The following SPPL2B variants were observed in gnomAD, a reference collection of about 807,000 sequenced individuals.
SPPL2B encodes signal peptide peptidase-like 2B.
A neutral mutation model predicts 59.7 loss-of-function variants in SPPL2B; 39 were observed. That is an observed-to-expected ratio of 0.65 (90% CI 0.51 to 0.85). The LOEUF (loss-of-function observed/expected upper bound fraction) is 0.85. Ranked by LOEUF, SPPL2B falls within the 40% of genes least tolerant of loss-of-function variation. The pLI, the probability that SPPL2B is intolerant of heterozygous loss-of-function variation, is 0.00. For missense variants in SPPL2B, 865 were observed against 849.0 expected (o/e 1.02, Z -0.23); for synonymous variants, 419 against 370.8 (o/e 1.13, Z -1.49).
Position 2,340,167 on chromosome 19 carries a change from G to A in SPPL2B, c.834G>A (p.Lys278=). 1 of 1,565,536 alleles carries A rather than the reference G, an allele frequency of 6.4e-7. No homozygotes were observed. The highest frequency in any genetic ancestry group is 8.6e-7 in the Non-Finnish European group (1 of 1,163,042). ...GTGTGCGGCGGCTGCCCTTCGGCAA[G>A]TGCAGGTGAGTCTGCCCTGCTGGCC... ...APCVRRLPFG[K]CRIPNNSLPY... The change falls in exon 7 of 15, where the codon AAG becomes AAA. Residue 278 remains lysine (K), a synonymous_variant. Coordinates refer to ENST00000613503, the MANE Select transcript of SPPL2B (RefSeq NM_152988.3).
At chr19:2,343,141 C>T in intron 8 of SPPL2B, 70 bp from the exon 9 acceptor site, 1 of 1,285,574 alleles carries the variant, frequency 7.8e-7, no homozygotes, top group Non-Finnish European at 1.1e-6. Flanking sequence ...CCCTGTGTGG[C>T]TCGTGGGAGG....
At chr19:2,339,537 C>T (rs1429867800) in intron 5 of SPPL2B, 1 of 584,506 alleles carries the variant, frequency 1.7e-6, no homozygotes, top group East Asian at 2.9e-5. Context: ...GCCCCATGTC[C>T]AGGGCTCTTT....
Position 2,353,161 on chromosome 19 carries a change from G to A in SPPL2B, c.1731G>A (p.Arg577=). 1 of 1,609,530 alleles carries A rather than the reference G, an allele frequency of 6.2e-7. No individual in the cohort carries two copies. The highest frequency in any genetic ancestry group is 8.5e-7 in the Non-Finnish European group (1 of 1,179,324). The change falls in exon 15 of 15, where the codon CGG becomes CGA. Residue 577 remains arginine (R), a synonymous_variant. Transcript: ENST00000613503. ...GGAGCCCAGCTGAATCCGAGGGCCGGGACCAGGCCCAGCCGTCCCCGGTAA... is the reference window on the plus strand; with the variant it reads ...GGAGCCCAGCTGAATCCGAGGGCCGAGACCAGGCCCAGCCGTCCCCGGTAA... ...EPGSPAESEG[R]DQAQPSPVTQ... is the part of the protein sequence containing the mutation.
chr19:2,333,324 G>A (rs921410188), intron 1 of SPPL2B, among the ~76,000 whole-genome samples: 1 of 150,118 alleles, frequency 6.7e-6, no homozygotes, highest in African/African-American at 2.4e-5. Flanking sequence ...GGCTTTGCGG[G>A]AGCAGGAGGA....
intron 2 of SPPL2B, 118 bp from the exon 3 acceptor site, chr19:2,337,325 G>A: frequency 9.9e-7 from 1 of 1,007,842 alleles, no homozygotes; most frequent in Non-Finnish European, 1.4e-6. Flanking sequence ...AGGCCGTGCG[G>A]GGCTTTAGGT....
intron 3 of SPPL2B, chr19:2,337,864 C>T (rs750117948): frequency 6.4e-5 from 32 of 500,768 alleles, no homozygotes; most frequent in South Asian, 1.6e-4. Flanking sequence ...GAACTTTGGC[C>T]GTGGTCTTGT....
intron 2 of SPPL2B, among the ~76,000 whole-genome samples, chr19:2,336,369 G>A (rs755438921): frequency 1.1e-4 from 16 of 152,130 alleles, no homozygotes; most frequent in Admixed American, 3.3e-4. Context: ...ACATGTGTGC[G>A]TGTGTACATG....
chr19:2,350,387 G>T (rs12983760), intron 13 of SPPL2B, among the ~76,000 whole-genome samples: 4 of 136,986 alleles, frequency 2.9e-5, no homozygotes, highest in Non-Finnish European at 6.2e-5. Flanking sequence ...ACACACACTC[G>T]CGTTCTCATT....
chr19:2,337,656 G>A, intron 3 of SPPL2B, 31 bp downstream of exon 3: 1 of 1,510,776 alleles, frequency 6.6e-7, no homozygotes. Flanking sequence ...CGCTGGGCCA[G>A]CTCTCAGGGG....
At chr19:2,344,264 C>G (rs1448043309) in intron 10 of SPPL2B, 98 bp from the exon 11 acceptor site, 19 of 660,254 alleles carry the variant, frequency 2.9e-5, no homozygotes, top group Non-Finnish European at 4.2e-5. Flanking sequence ...CCCCTTGCAC[C>G]CCCCCATCGC....
intron 13 of SPPL2B, among the ~76,000 whole-genome samples, chr19:2,348,340 CCA>C (rs1367900520): frequency 7.8e-5 from 8 of 101,976 alleles, no homozygotes; most frequent in East Asian, 6.6e-4. Flanking sequence ...GGTTCTCTCT[CCA>C]CACACACACT....
intron 8 of SPPL2B, 134 bp from the exon 9 acceptor site, chr19:2,343,075 TCA>T: frequency 1.4e-6 from 1 of 699,808 alleles, no homozygotes; most frequent in South Asian, 1.7e-5. Context: ...GTCCTCAGAG[TCA>T]TCCCCTGGGC....
rs1327179790 is a variant in SPPL2B, at chr19:2,354,710, G to C, written c.*1501G>C. On this transcript the variant is annotated 3_prime_UTR_variant, in exon 15 of 15. Coordinates refer to ENST00000613503, the MANE Select transcript of SPPL2B (RefSeq NM_152988.3). ...GTGTTGGACGTTTGACCAGTGGGGA[G>C]GGGTTCAGAGGCGGCGGTCCTGTCC... is the stretch of plus-strand genomic sequence containing the variant. 2 of 152,300 alleles carry C rather than the reference G, an allele frequency of 1.3e-5. No homozygotes were observed. The highest frequency in any genetic ancestry group is 4.8e-5 in the African/African-American group (2 of 41,460). The allele number at this position is 152,300 out of a possible 1,614,324, so 9.4% of individuals were successfully genotyped here.
rs776331976 is a variant in SPPL2B at position 2,337,526 on chromosome 19, C to T, written c.270C>T (p.Ile90=). ...DLPARGFSNQ[I]PLVARGNCTF... is the part of the protein sequence containing the mutation. ...CCGCCCGTGGCTTCAGCAACCAGATCCCGCTGGTGGCGCGGGGGAACTGCA... is the reference window on the plus strand; with the variant it reads ...CCGCCCGTGGCTTCAGCAACCAGATTCCGCTGGTGGCGCGGGGGAACTGCA... The change falls in exon 3 of 15, where the codon ATC becomes ATT. Residue 90 remains isoleucine, a synonymous_variant. Transcript: ENST00000613503. The T allele has an allele frequency of 1.9e-6, 3 of 1,613,214 alleles. No homozygotes were observed. The South Asian group carries it at 3.3e-5, about 18-fold the overall frequency.
At chr19:2,338,447 A>G (rs1192101820) in intron 3 of SPPL2B, 3 of 272,086 alleles carry the variant, frequency 1.1e-5, no homozygotes, top group Non-Finnish European at 2.1e-5. Flanking sequence ...ATGGGCTGTG[A>G]CAAGTATCAC....
At position 2,340,157 on chromosome 19, in the gene SPPL2B, C is replaced by T; in HGVS notation, c.824C>T (p.Pro275Leu). 3 of 1,573,486 alleles carry T rather than the reference C, an allele frequency of 1.9e-6. No individual in the cohort carries two copies. Among genetic ancestry groups the T allele is most frequent in the Non-Finnish European group, 2.6e-6 (3 of 1,166,896 alleles). Residue 275 changes from proline to leucine, a missense_variant, in exon 7 of 15, where the codon CCC (proline) becomes CTC (leucine). Pro to Leu is a moderately conservative substitution (Grantham distance 98). Transcript: ENST00000613503. ...CTGGCGCCCTGTGTGCGGCGGCTGC[C>T]CTTCGGCAAGTGCAGGTGAGTCTGC... ...SCLAPCVRRL[P>L]FGKCRIPNNS...
intron 1 of SPPL2B, chr19:2,330,470 AG>A (rs1968226714): frequency 6.6e-6 from 1 of 152,310 alleles, no homozygotes; most frequent in Non-Finnish European, 1.5e-5. Flanking sequence ...CAGGAGGGGA[AG>A]GGTGTTGGAA....
chr19:2,337,290 G>A, intron 2 of SPPL2B, 153 bp from the exon 3 acceptor site: 1 of 656,506 alleles, frequency 1.5e-6, no homozygotes, highest in Non-Finnish European at 2.5e-6. Flanking sequence ...AGCTGCAGTA[G>A]GGATGGCTCT....
At position 2,339,844 on chromosome 19, in the gene SPPL2B, G is replaced by A. The variant is rs1193831708; in HGVS notation, c.620G>A (p.Arg207His). Reference protein sequence around the residue: ...DVKKRYMKHKRDDGPEKQEDE... With the variant: ...DVKKRYMKHKHDDGPEKQEDE... Reference sequence around the variant, plus strand: ...CCAAGAAGGTACATGAAGCACAAGCGCGACGATGGGCCCGAGAAGCAGGAG... The same window carrying A: ...CCAAGAAGGTACATGAAGCACAAGCACGACGATGGGCCCGAGAAGCAGGAG... Residue 207 changes from arginine (R) to histidine (H), a missense_variant, in exon 6 of 15, where the codon CGC becomes CAC. By Grantham distance (29) the Arg-to-His change is conservative. Coordinates refer to ENST00000613503, the MANE Select transcript of SPPL2B (RefSeq NM_152988.3). 18 of 1,606,444 alleles carry A rather than the reference G, an allele frequency of 1.1e-5. No individual in the cohort carries two copies. The highest frequency in any genetic ancestry group is 2.2e-5 in the East Asian group (1 of 44,552).
Sources: gnomAD v4.1 joint callset for allele counts (sites outside exome capture counted in the v4.1 genomes callset) on GRCh38, gnomAD v4.1.1 for gene constraint, MANE v1.5 for transcripts, NCBI Gene and HGNC (gene_info 2026-07-23, HGNC 2026-07-21) for gene names.